The following UNC5C variants were observed in gnomAD, a reference collection of about 807,000 sequenced individuals.
UNC5C encodes unc-5 netrin receptor C.
Under a neutral mutation model 99.8 loss-of-function variants are expected in UNC5C, and 47 were observed. The ratio of observed to expected loss-of-function variants is 0.47; its 90% CI spans 0.37 to 0.60. The LOEUF (loss-of-function observed/expected upper bound fraction) is 0.60, where lower values mean the gene tolerates loss of function less well. UNC5C is among the 20% of genes least tolerant of loss of function. UNC5C has a pLI of 0.00. For synonymous variants in UNC5C, 487 were observed against 452.2 expected, an observed-to-expected ratio of 1.08 and a Z score of -0.98; for missense variants, 1,062 against 1,165.9, an observed-to-expected ratio of 0.91 and a Z score of 1.30.
At chr4:95,281,303 C>T (rs1177877812) in intron 3 of UNC5C, among the ~76,000 whole-genome samples, 1 of 152,130 alleles carries the variant, frequency 6.6e-6, no homozygotes, top group Non-Finnish European at 1.5e-5. Context: ...ATATGGTAGA[C>T]ATTTTATTAG....
rs1735996317 is a variant in UNC5C, at chr4:95,169,408, G to A, written c.2631-9C>T. 1.9e-6 allele frequency: 3 copies of A among 1,613,454 alleles called. No individual in the cohort carries two copies. Among genetic ancestry groups the A allele is most frequent in the Non-Finnish European group, 1.7e-6 (2 of 1,179,618 alleles). ...CAAAGTAATTCAAGTACCTGTAATT[G>A]GGAAAGAGAAAATGTGCTCAACAGT... On this transcript the variant is annotated splice_polypyrimidine_tract_variant and intron_variant, in intron 15 of 15. Transcript: ENST00000453304.
chr4:95,478,277 G>A (rs758855581), intron 1 of UNC5C, among the ~76,000 whole-genome samples: 89 of 151,836 alleles, frequency 5.9e-4, no homozygotes, highest in Admixed American at 1.9e-3. Flanking sequence ...TGTGTGCCTC[G>A]GTTGTCTCTA....
chr4:95,406,091 A>T (rs1471712329), intron 1 of UNC5C, among the ~76,000 whole-genome samples: 1 of 152,194 alleles, frequency 6.6e-6, no homozygotes, highest in Middle Eastern at 3.2e-3. Flanking sequence ...ACTAGCAAAA[A>T]ATTGAGATCA....
At chr4:95,326,412 G>T (rs1418792450) in intron 2 of UNC5C, among the ~76,000 whole-genome samples, 1 of 151,262 alleles carries the variant, frequency 6.6e-6, no homozygotes, top group Non-Finnish European at 1.5e-5. Flanking sequence ...AGTTGAAAAG[G>T]CTTCAAGTAA....
At chr4:95,332,657 A>G (rs1743163475) in intron 2 of UNC5C, among the ~76,000 whole-genome samples, 1 of 150,558 alleles carries the variant, frequency 6.6e-6, no homozygotes, top group South Asian at 2.2e-4. Context: ...GGACATAGGC[A>G]TGGGCAAGGA....
In UNC5C at chr4:95,531,088, T is replaced by C. The variant is rs552606833; in HGVS notation, c.124+17646A>G. Among the ~76,000 whole-genome samples the C allele has an allele frequency of 3.4e-4, 52 of 152,330 alleles. 2 individuals are homozygous for C. The South Asian group carries it at 0.01, about 30-fold the overall frequency. ...CCTTGTTTTAGACTTCATAATTTAA[T>C]AGTATTTAGGTGTATGGAAGAAAGA... On this transcript the variant is annotated intron_variant, in intron 1 of 15. Transcript: ENST00000453304.
chr4:95,232,210 A>G (rs373367715), intron 7 of UNC5C, among the ~76,000 whole-genome samples: 77 of 150,978 alleles, frequency 5.1e-4, no homozygotes, highest in South Asian at 4.0e-3. Context: ...TATGTTTTAT[A>G]TAAGTGTTAT....
intron 3 of UNC5C, among the ~76,000 whole-genome samples, chr4:95,292,403 C>T (rs1445747836): frequency 6.6e-6 from 1 of 151,734 alleles, no homozygotes; most frequent in Non-Finnish European, 1.5e-5. Context: ...CCGGAGATTA[C>T]ATATATATTT....
chr4:95,220,200 A>G, intron 7 of UNC5C, 24 bp from the exon 8 acceptor site: 1 of 1,595,722 alleles, frequency 6.3e-7, no homozygotes, highest in Middle Eastern at 1.7e-4. Context: ...TGAAACATTG[A>G]ACCAGCTGCT....
At chr4:95,545,379 G>A (rs537368079) in intron 1 of UNC5C, among the ~76,000 whole-genome samples, 1 of 152,120 alleles carries the variant, frequency 6.6e-6, no homozygotes, top group South Asian at 2.1e-4. Context: ...TTTCCTTATT[G>A]CATATTCCTA....
At chr4:95,212,812 T>G (rs944805242) in intron 10 of UNC5C, among the ~76,000 whole-genome samples, 2 of 152,174 alleles carry the variant, frequency 1.3e-5, no homozygotes, top group Non-Finnish European at 2.9e-5. Context: ...GTTCTGCCCC[T>G]CCTTTGCAAC....
intron 1 of UNC5C, among the ~76,000 whole-genome samples, chr4:95,527,443 A>T (rs1722527470): frequency 6.6e-6 from 1 of 152,106 alleles, no homozygotes; most frequent in South Asian, 2.1e-4. Flanking sequence ...AATTAAAGAA[A>T]GACTCCTGAT....
intron 1 of UNC5C, among the ~76,000 whole-genome samples, chr4:95,412,593 T>C (rs1746029514): frequency 6.6e-6 from 1 of 152,206 alleles, no homozygotes; most frequent in Admixed American, 6.5e-5. Flanking sequence ...CCAGATTTGG[T>C]ATGATATGAG....
chr4:95,452,477 G>C (rs755553276), intron 1 of UNC5C, among the ~76,000 whole-genome samples: 3 of 151,996 alleles, frequency 2.0e-5, no homozygotes, highest in East Asian at 3.9e-4. Context: ...CCACACAAAG[G>C]GTGGCCCAGA....
At chr4:95,470,600 A>G (rs72876436) in intron 1 of UNC5C, among the ~76,000 whole-genome samples, 1,790 of 152,216 alleles carry the variant, frequency 0.012, 33 homozygotes, top group African/African-American at 0.04. Flanking sequence ...AGAAAAAAAT[A>G]GCAGTATGTG....
intron 1 of UNC5C, among the ~76,000 whole-genome samples, chr4:95,413,521 G>A (rs781616147): frequency 1.3e-5 from 2 of 152,142 alleles, no homozygotes; most frequent in Non-Finnish European, 2.9e-5. Flanking sequence ...TGTATGGAGG[G>A]TCTTATTACC....
At chr4:95,174,651 C>G (rs1377671257) in intron 14 of UNC5C, among the ~76,000 whole-genome samples, 4 of 150,928 alleles carry the variant, frequency 2.7e-5, no homozygotes, top group Admixed American at 6.6e-5. Flanking sequence ...CTGAGGAGAG[C>G]TTTACTTCCA....
At chr4:95,228,245 T>A (rs1738767795) in intron 7 of UNC5C, among the ~76,000 whole-genome samples, 1 of 152,230 alleles carries the variant, frequency 6.6e-6, no homozygotes, top group South Asian at 2.1e-4. Flanking sequence ...TTTATTTTTC[T>A]AGCCTTTTCA....
intron 4 of UNC5C, among the ~76,000 whole-genome samples, chr4:95,276,551 A>G (rs1740866946): frequency 1.3e-5 from 2 of 152,214 alleles, no homozygotes; most frequent in South Asian, 2.1e-4. Flanking sequence ...CTGAGCAAAA[A>G]TGATGCCATG....
Sources: gnomAD v4.1 joint callset for allele counts (sites outside exome capture counted in the v4.1 genomes callset) on GRCh38, gnomAD v4.1.1 for gene constraint, MANE v1.5 for transcripts, NCBI Gene and HGNC (gene_info 2026-07-23, HGNC 2026-07-21) for gene names.